The following LRMDA variants were observed in gnomAD, a reference collection of about 807,000 sequenced individuals.
The protein encoded by LRMDA is leucine-rich melanocyte differentiation-associated protein.
In LRMDA, 18 loss-of-function variants were observed where a neutral mutation model predicts 29.8. That is an observed-to-expected ratio of 0.60 (90% CI 0.42 to 0.90). The LOEUF is 0.90. Among genes scored for constraint, LRMDA ranks in the 40% least tolerant of loss-of-function variants. The pLI, the probability that LRMDA is intolerant of heterozygous loss-of-function variation, is 0.00. For synonymous variants in LRMDA, 125 were observed against 109.4 expected (o/e 1.14, Z -0.89); for missense variants, 273 against 273.9 (o/e 1.00, Z 0.02).
intron 2 of LRMDA, among the ~76,000 whole-genome samples, chr10:75,766,588 A>G (rs1377141435): frequency 6.6e-6 from 1 of 150,690 alleles, no homozygotes; most frequent in African/African-American, 2.4e-5. Flanking sequence ...TTCTTTTTTT[A>G]GATTTGCTAA....
chr10:76,112,425 T>C (rs961759526), intron 5 of LRMDA, among the ~76,000 whole-genome samples: 1 of 152,128 alleles, frequency 6.6e-6, no homozygotes, highest in African/African-American at 2.4e-5. Flanking sequence ...CACCCTTCAC[T>C]CAGAGCCGCC....
At chr10:76,012,695 G>T (rs1847805329) in intron 2 of LRMDA, among the ~76,000 whole-genome samples, 1 of 152,164 alleles carries the variant, frequency 6.6e-6, no homozygotes, top group African/African-American at 2.4e-5. Flanking sequence ...GTATGTGCGT[G>T]TGACAGACAC....
At chr10:76,508,107 T>A (rs1589218884) in intron 6 of LRMDA, among the ~76,000 whole-genome samples, 1 of 152,306 alleles carries the variant, frequency 6.6e-6, no homozygotes. Context: ...TACTGCATCC[T>A]TCTCAGTGCA....
At chr10:76,245,734 C>T (rs1266938577) in intron 5 of LRMDA, among the ~76,000 whole-genome samples, 1 of 152,148 alleles carries the variant, frequency 6.6e-6, no homozygotes, top group Admixed American at 6.5e-5. Flanking sequence ...GTTTTATTTG[C>T]CTTGGCATCC....
chr10:75,528,603 C>T (rs1458392867), intron 2 of LRMDA, among the ~76,000 whole-genome samples: 2 of 152,148 alleles, frequency 1.3e-5, no homozygotes, highest in African/African-American at 4.8e-5. Flanking sequence ...CTGGCTAGAT[C>T]ACCTTATTGT....
In LRMDA at chr10:75,459,118, A is replaced by G. The variant is rs181559317; in HGVS notation, c.131+20624A>G. On this transcript the variant is annotated intron_variant, in intron 2 of 6. Coordinates refer to ENST00000611255, the MANE Select transcript of LRMDA (RefSeq NM_001305581.2). ...AATTTGAAATTGATTTAATATTAGG[A>G]AAAAAAACCCGCTGCTTTTAGAGTG... 8.7e-3 allele frequency among the ~76,000 whole-genome samples: 1,329 copies of G among 152,006 alleles called. 20 individuals carry two copies. Among genetic ancestry groups the G allele is most frequent in the African/African-American group, 0.031 (1,266 of 41,440 alleles).
chr10:76,389,412 T>C (rs2132481624), intron 6 of LRMDA, among the ~76,000 whole-genome samples: 1 of 152,344 alleles, frequency 6.6e-6, no homozygotes, highest in African/African-American at 2.4e-5. Context: ...TTGACTCTTC[T>C]GTTTTCCTCC....
At chr10:76,124,862 C>G (rs1346220259) in intron 5 of LRMDA, among the ~76,000 whole-genome samples, 1 of 152,216 alleles carries the variant, frequency 6.6e-6, no homozygotes, top group Non-Finnish European at 1.5e-5. Flanking sequence ...CAGATAATTG[C>G]TTTGTGGGTA....
chr10:76,384,753 T>C (rs902361171), intron 6 of LRMDA, among the ~76,000 whole-genome samples: 4 of 152,236 alleles, frequency 2.6e-5, no homozygotes, highest in Admixed American at 2.6e-4. Context: ...ATGATTTTGC[T>C]TGGATTTGTA....
chr10:75,609,790 G>A (rs181507640), intron 2 of LRMDA, among the ~76,000 whole-genome samples: 1 of 152,144 alleles, frequency 6.6e-6, no homozygotes, highest in African/African-American at 2.4e-5. Flanking sequence ...CCTGTTGTGG[G>A]AGCAGGCATC....
intron 5 of LRMDA, among the ~76,000 whole-genome samples, chr10:76,152,948 C>G (rs1850472562): frequency 1.3e-5 from 2 of 151,910 alleles, no homozygotes; most frequent in African/African-American, 4.8e-5. Context: ...TCAAGCAATT[C>G]TTCTGCCTCA....
intron 5 of LRMDA, among the ~76,000 whole-genome samples, chr10:76,133,660 T>G (rs1157271729): frequency 1.3e-5 from 2 of 152,354 alleles, no homozygotes; most frequent in African/African-American, 4.8e-5. Flanking sequence ...GATTTAATTC[T>G]TCCCTCCTCT....
In LRMDA at chr10:75,821,163, A is replaced by G. The variant is rs563281826; in HGVS notation, c.132-214845A>G. ...GAGGGAATCCTTCCTTACTCATTCT[A>G]TGAAGCCAGCATCACCCTGATACTA... On this transcript the variant is annotated intron_variant, in intron 2 of 6. Coordinates refer to ENST00000611255, the MANE Select transcript of LRMDA (RefSeq NM_001305581.2). 1.5e-3 allele frequency among the ~76,000 whole-genome samples: 227 copies of G among 152,314 alleles called. 1 individual carries two copies. The highest frequency in any genetic ancestry group is 6.8e-3 in the Middle Eastern group (2 of 294).
chr10:75,863,582 T>G (rs1360312443), intron 2 of LRMDA, among the ~76,000 whole-genome samples: 1 of 152,230 alleles, frequency 6.6e-6, no homozygotes, highest in East Asian at 1.9e-4. Flanking sequence ...TTTCCTCACC[T>G]GTAAAATGGG....
intron 2 of LRMDA, among the ~76,000 whole-genome samples, chr10:75,889,479 G>T (rs1329861546): frequency 1.3e-5 from 2 of 152,156 alleles, no homozygotes; most frequent in African/African-American, 4.8e-5. Context: ...GGTGTTAGGG[G>T]TATTGCACTG....
intron 2 of LRMDA, among the ~76,000 whole-genome samples, chr10:75,804,484 C>T (rs1843813438): frequency 6.6e-6 from 1 of 152,210 alleles, no homozygotes; most frequent in Non-Finnish European, 1.5e-5. Context: ...GATGTCACCC[C>T]AAATGAGGAG....
intron 5 of LRMDA, among the ~76,000 whole-genome samples, chr10:76,244,422 G>C (rs971795032): frequency 1.3e-5 from 2 of 152,142 alleles, no homozygotes; most frequent in Non-Finnish European, 2.9e-5. Context: ...CCATTCTTCA[G>C]GAGCTGTTCT....
At chr10:76,060,054 A>G (rs1848680227) in intron 5 of LRMDA, among the ~76,000 whole-genome samples, 1 of 152,182 alleles carries the variant, frequency 6.6e-6, no homozygotes, top group South Asian at 2.1e-4. Flanking sequence ...AATTTTTCCA[A>G]ATGAAATAAT....
intron 5 of LRMDA, among the ~76,000 whole-genome samples, chr10:76,082,979 C>T (rs1849072161): frequency 6.6e-6 from 1 of 152,110 alleles, no homozygotes; most frequent in Non-Finnish European, 1.5e-5. Context: ...GTGGTAGATG[C>T]CTTGGAGTAC....
Sources: gnomAD v4.1 joint callset for allele counts (sites outside exome capture counted in the v4.1 genomes callset) on GRCh38, gnomAD v4.1.1 for gene constraint, MANE v1.5 for transcripts, NCBI Gene and HGNC (gene_info 2026-07-23, HGNC 2026-07-21) for gene names.